DHRSX: variants seen among roughly 807,000 people sequenced by gnomAD.
DHRSX encodes polyprenol dehydrogenase.
Under a neutral mutation model 34.0 loss-of-function variants are expected in DHRSX, and 31 were observed. The ratio of observed to expected loss-of-function variants is 0.91; its 90% CI spans 0.69 to 1.23. The LOEUF is 1.23. Among genes scored for constraint, DHRSX ranks in the 50% most tolerant of loss-of-function variants. The probability of loss-of-function intolerance (pLI) is 0.00; values close to 1 mark genes in which losing one functional copy is unlikely to be tolerated. For synonymous variants in DHRSX, 201 were observed against 183.8 expected (o/e 1.09, Z -0.76); for missense variants, 414 against 428.1 (o/e 0.97, Z 0.29).
chrX:2,308,418 C>CGACAATTGTTTT (rs2042126117), intron 3 of DHRSX, among the ~76,000 whole-genome samples: 2 of 152,034 alleles, frequency 1.3e-5, no homozygotes, highest in Non-Finnish European at 2.9e-5. Flanking sequence ...AACAATTGTT[C>CGACAATTGTTTT]AACAATTGTT....
chrX:2,309,505 G>A (rs1207833663), intron 3 of DHRSX, among the ~76,000 whole-genome samples: 1 of 152,100 alleles, frequency 6.6e-6, no homozygotes, highest in Non-Finnish European at 1.5e-5. Flanking sequence ...CAGAAATGCT[G>A]TCCATTCTGA....
chrX:2,488,673 C>T (rs747102073), intron 1 of DHRSX: 9 of 1,611,894 alleles, frequency 5.6e-6, no homozygotes, highest in Middle Eastern at 3.4e-4. Context: ...AAGAAACCGC[C>T]GCTGACGCCA....
chrX:2,317,532 G>A (rs73187626), intron 3 of DHRSX, among the ~76,000 whole-genome samples: 28,079 of 151,766 alleles, frequency 0.19, 2,786 homozygotes, highest in Admixed American at 0.24. Context: ...GATTACAGGC[G>A]TGAGCCACTG....
At chrX:2,451,060 G>A (rs1359949148) in intron 1 of DHRSX, among the ~76,000 whole-genome samples, 1 of 152,054 alleles carries the variant, frequency 6.6e-6, no homozygotes, top group Non-Finnish European at 1.5e-5. Context: ...AGAACTGTGA[G>A]TGACAAATGT....
intron 3 of DHRSX, among the ~76,000 whole-genome samples, chrX:2,342,718 A>G (rs1363748888): frequency 1.3e-5 from 2 of 152,154 alleles, no homozygotes; most frequent in African/African-American, 2.4e-5. Flanking sequence ...TCCCACGCTC[A>G]TAGCATCGAC....
intron 5 of DHRSX, among the ~76,000 whole-genome samples, chrX:2,252,365 T>C (rs771743944): frequency 2.6e-5 from 4 of 152,306 alleles, no homozygotes; most frequent in Non-Finnish European, 4.4e-5. Context: ...TGTCAAGATA[T>C]CTTTTTAAGG....
At chrX:2,259,365 GATATATATAGATAT>G (rs749224570) in intron 5 of DHRSX, among the ~76,000 whole-genome samples, 1 of 106,332 alleles carries the variant, frequency 9.4e-6, no homozygotes, top group Admixed American at 8.9e-5. Context: ...GATAGATATA[GATATATATAGATAT>G]ATATATAGAT....
intron 4 of DHRSX, among the ~76,000 whole-genome samples, chrX:2,272,072 T>C (rs1461126614): frequency 6.6e-6 from 1 of 151,686 alleles, no homozygotes; most frequent in Non-Finnish European, 1.5e-5. Context: ...TGTCTGTTTC[T>C]TGCAGCACAA....
chrX:2,382,594 CCAT>C (rs1569495707), intron 3 of DHRSX, among the ~76,000 whole-genome samples: 3 of 86,732 alleles, frequency 3.5e-5, no homozygotes, highest in East Asian at 3.4e-4. Flanking sequence ...ATCATCATCA[CCAT>C]CATCACCATC....
At position 2,221,002 on chromosome X, in the gene DHRSX, A is replaced by G. The variant is rs1226885499; in HGVS notation, c.*39T>C. 3.8e-6 allele frequency: 6 copies of G among 1,598,394 alleles called. No homozygotes were observed. Among genetic ancestry groups the G allele is most frequent in the South Asian group, 1.1e-5 (1 of 89,110 alleles). ...GACCCACAAGCTATTGGCAGGTGCA[A>G]TGTGTTTCTTGGGGCAGCAGCTATC... On this transcript the variant is annotated 3_prime_UTR_variant, in exon 7 of 7. Coordinates refer to ENST00000334651, the MANE Select transcript of DHRSX (RefSeq NM_145177.3).
chrX:2,243,130 C>T lies in DHRSX; in HGVS notation c.697G>A (p.Val233Met), dbSNP rs756525762. The change falls in exon 6 of 7, where the codon GTG becomes ATG. Residue 233 changes from valine (V) to methionine (M), a missense_variant. Physicochemically the swap from Val to Met is conservative, Grantham distance 21 (BLOSUM62 1). Transcript: ENST00000334651. Reference protein sequence around the residue: ...QRLLAAEGSHVTANVVDPGVV... With the variant: ...QRLLAAEGSHMTANVVDPGVV... ...CCGGGGTCCACCACGTTGGCGGTCA[C>T]GTGGCTTCCCTCAGCCGCCAGCAGC... 12 of 1,613,810 alleles carry T rather than the reference C, an allele frequency of 7.4e-6. No homozygotes were observed. The highest frequency in any genetic ancestry group is 4.0e-5 in the African/African-American group (3 of 74,892).
rs181702780 is a variant in DHRSX at position 2,327,458 on chromosome X, G to A, written c.287-35855C>T. Among the ~76,000 whole-genome samples, 566 of 152,304 alleles carry A rather than the reference G, an allele frequency of 3.7e-3. 3 individuals are homozygous for A. The highest frequency in any genetic ancestry group is 0.013 in the African/African-American group (528 of 41,582). On this transcript the variant is annotated intron_variant, in intron 3 of 6. Coordinates refer to ENST00000334651, the MANE Select transcript of DHRSX (RefSeq NM_145177.3). ...CAGTGATGGCCTGTGTGCTGCAGGT[G>A]AGCATCACCTTGTTGTAAGGCCACA... is the stretch of plus-strand genomic sequence containing the variant.
chrX:2,462,556 T>A (rs989289445), intron 1 of DHRSX, among the ~76,000 whole-genome samples: 3 of 151,780 alleles, frequency 2.0e-5, no homozygotes, highest in African/African-American at 7.3e-5. Flanking sequence ...CAATGTTAGA[T>A]AGTATCGGAC....
intron 1 of DHRSX, among the ~76,000 whole-genome samples, chrX:2,436,312 A>T (rs1488853821): frequency 6.6e-6 from 1 of 151,838 alleles, no homozygotes; most frequent in Non-Finnish European, 1.5e-5. Context: ...TGGTCCCTTC[A>T]TCTAACACTG....
chrX:2,404,545 G>T (rs765282317), intron 3 of DHRSX, among the ~76,000 whole-genome samples: 1 of 152,300 alleles, frequency 6.6e-6, no homozygotes, highest in South Asian at 2.1e-4. Context: ...AATAAGCCTT[G>T]TCTCTTCCTT....
chrX:2,346,682 C>T (rs2042718617), intron 3 of DHRSX, among the ~76,000 whole-genome samples: 1 of 150,364 alleles, frequency 6.7e-6, no homozygotes, highest in East Asian at 1.9e-4. Context: ...ACTTTAAGTC[C>T]TGGGGTACAT....
intron 4 of DHRSX, among the ~76,000 whole-genome samples, chrX:2,273,534 A>T (rs2041585482): frequency 6.6e-6 from 1 of 152,204 alleles, no homozygotes; most frequent in African/African-American, 2.4e-5. Context: ...GAATAGAGGA[A>T]TACACATTAG....
chrX:2,468,508 T>C (rs991979847), intron 1 of DHRSX, among the ~76,000 whole-genome samples: 23 of 151,952 alleles, frequency 1.5e-4, no homozygotes, highest in Non-Finnish European at 2.6e-4. Context: ...CAGAAGAATG[T>C]GGCCAAGGGA....
chrX:2,246,750 A>AAGAG (rs1204935283), intron 5 of DHRSX, among the ~76,000 whole-genome samples: 30 of 108,446 alleles, frequency 2.8e-4, no homozygotes, highest in African/African-American at 8.0e-4. Flanking sequence ...GAAAGAAAGA[A>AAGAG]AAAGAAAGAA....
Sources: gnomAD v4.1 joint callset for allele counts (sites outside exome capture counted in the v4.1 genomes callset) on GRCh38, gnomAD v4.1.1 for gene constraint, MANE v1.5 for transcripts, NCBI Gene and HGNC (gene_info 2026-07-23, HGNC 2026-07-21) for gene names.